Variants in MEI1 observed in about 807,000 individuals in gnomAD.
MEI1 encodes the protein meiosis inhibitor protein 1.
MEI1 carries 103 observed loss-of-function variants against 146.2 expected under a neutral mutation model. The observed-to-expected ratio is 0.70, with a 90% CI of 0.60 to 0.83. The LOEUF (loss-of-function observed/expected upper bound fraction) is 0.83, where lower values mean the gene tolerates loss of function less well. Ranked by LOEUF, MEI1 falls within the 40% of genes least tolerant of loss-of-function variation. The probability of loss-of-function intolerance (pLI) is 0.00; values close to 1 mark genes in which losing one functional copy is unlikely to be tolerated. For missense variants in MEI1, 1,529 were observed against 1,533.0 expected, an observed-to-expected ratio of 1.00 and a Z score of 0.04; for synonymous variants, 652 against 628.2, an observed-to-expected ratio of 1.04 and a Z score of -0.57.
chr22:41,784,120 G>T (rs1400345324), intron 24 of MEI1, among the ~76,000 whole-genome samples: 2 of 152,202 alleles, frequency 1.3e-5, no homozygotes, highest in Non-Finnish European at 2.9e-5. Context: ...GGATGGGGGA[G>T]ATTTGGAAGA....
Position 41,716,165 on chromosome 22 carries a change from G to A in MEI1, c.529+19G>A. The A allele has an allele frequency of 6.5e-7, 1 of 1,534,920 alleles. No individual in the cohort carries two copies. Among genetic ancestry groups the A allele is most frequent in the Non-Finnish European group, 8.9e-7 (1 of 1,118,446 alleles). ...GAGCATGGTGAGTGACCTGTGGGAG[G>A]AGCTGCCACTACCCTTTTACCTGCT... On this transcript the variant is annotated intron_variant, in intron 5 of 30. Coordinates refer to ENST00000401548, the MANE Select transcript of MEI1 (RefSeq NM_152513.4).
chr22:41,742,208 C>T (rs1170130174), intron 11 of MEI1, among the ~76,000 whole-genome samples: 6 of 152,176 alleles, frequency 3.9e-5, no homozygotes, highest in Admixed American at 1.3e-4. Flanking sequence ...TGCAGGGAGC[C>T]AAGATCACAC....
chr22:41,754,078 C>T (rs376982045), intron 17 of MEI1, 32 bp downstream of exon 17: 20 of 1,495,426 alleles, frequency 1.3e-5, no homozygotes, highest in Non-Finnish European at 1.8e-5. Flanking sequence ...ACTCATGTGG[C>T]CTGTGCTGGT....
At chr22:41,793,675 C>T (rs2076270687) in intron 26 of MEI1, among the ~76,000 whole-genome samples, 154 bp from the exon 27 acceptor site, 1 of 152,174 alleles carries the variant, frequency 6.6e-6, no homozygotes, top group South Asian at 2.1e-4. Flanking sequence ...AGAGATGAAG[C>T]CAATAAACAT....
intron 19 of MEI1, among the ~76,000 whole-genome samples, chr22:41,768,148 G>A (rs781450698): frequency 4.6e-5 from 7 of 152,148 alleles, no homozygotes; most frequent in Non-Finnish European, 8.8e-5. Flanking sequence ...TTGGGAGGCC[G>A]AGGCGGGCGG....
intron 28 of MEI1, 118 bp downstream of exon 28, chr22:41,794,595 G>A (rs1413594099): frequency 3.8e-6 from 3 of 786,780 alleles, no homozygotes; most frequent in East Asian, 2.5e-5. Flanking sequence ...GGAAGGGCTC[G>A]GCAGGCCTTC....
intron 26 of MEI1, among the ~76,000 whole-genome samples, chr22:41,792,857 A>G (rs1468558586): frequency 6.6e-6 from 1 of 151,648 alleles, no homozygotes; most frequent in Non-Finnish European, 1.5e-5. Context: ...CTAATGACTA[A>G]TGATAAATAT....
intron 18 of MEI1, among the ~76,000 whole-genome samples, chr22:41,761,783 G>C (rs1251759080): frequency 1.3e-5 from 2 of 152,034 alleles, no homozygotes; most frequent in Admixed American, 6.6e-5. Flanking sequence ...TGTCACTTCC[G>C]TTCCTCCTCC....
chr22:41,781,259 G>A (rs779662315), intron 22 of MEI1, 25 bp from the exon 23 acceptor site: 11 of 1,571,760 alleles, frequency 7.0e-6, no homozygotes, highest in Non-Finnish European at 8.7e-6. Flanking sequence ...GCGACAGGCC[G>A]ACTGGGGACT....
intron 19 of MEI1, among the ~76,000 whole-genome samples, chr22:41,766,364 G>T (rs548358012): frequency 6.7e-6 from 1 of 149,858 alleles, no homozygotes; most frequent in East Asian, 2.0e-4. Context: ...TAGAGACAGG[G>T]TTTCACCATG....
At chr22:41,726,211 C>A (rs1245377368) in intron 7 of MEI1, among the ~76,000 whole-genome samples, 1 of 151,816 alleles carries the variant, frequency 6.6e-6, no homozygotes, top group Non-Finnish European at 1.5e-5. Flanking sequence ...AAAGTTTGTC[C>A]TGAGACTACA....
intron 2 of MEI1, among the ~76,000 whole-genome samples, chr22:41,704,725 C>CT (rs2068955548): frequency 1.3e-5 from 2 of 151,582 alleles, no homozygotes; most frequent in South Asian, 4.2e-4. Context: ...CAATTCTTAT[C>CT]TTTTTTTGAG....
chr22:41,776,398 G>T (rs911094220), intron 21 of MEI1, 131 bp downstream of exon 21: 2 of 991,796 alleles, frequency 2.0e-6, no homozygotes, highest in Non-Finnish European at 2.9e-6. Flanking sequence ...AGGCCATTGT[G>T]GCATCAAGCT....
intron 19 of MEI1, among the ~76,000 whole-genome samples, chr22:41,763,999 T>C (rs1602015163): frequency 7.4e-6 from 1 of 134,912 alleles, no homozygotes; most frequent in African/African-American, 2.8e-5. Context: ...CAGGCTGGAG[T>C]GCAGTGGCAG....
At chr22:41,705,432 A>G (rs1601626226) in intron 2 of MEI1, 72 bp from the exon 3 acceptor site, 2 of 1,346,604 alleles carry the variant, frequency 1.5e-6, no homozygotes, top group East Asian at 2.3e-5. Context: ...CGGCCTCCCA[A>G]ATTGCTGGGG....
rs1357317883 is a variant in MEI1, at chr22:41,723,960, T to A, written c.751T>A (p.Leu251Met). The A allele has an allele frequency of 6.2e-7, 1 of 1,605,630 alleles. No individual in the cohort carries two copies. The highest frequency in any genetic ancestry group is 1.7e-5 in the Admixed American group (1 of 58,318). The change falls in exon 7 of 31, where the codon TTG becomes ATG. Residue 251 changes from leucine (L) to methionine (M), a missense_variant. Around this residue, in one of 3 missense-constraint regions of MEI1, gnomAD observed 1,212 missense variants for 1,178.9 expected, o/e 1.03. Coordinates refer to ENST00000401548, the MANE Select transcript of MEI1 (RefSeq NM_152513.4). ...TTTCCTAGGTTTGCTGAGGCAGCTG[T>A]TGAAGTATGATCTCTTTGTGTCCAT... ...INCLGLLRQL[L>M]KYDLFVSMIM...
At chr22:41,728,926 G>C (rs142883094) in intron 7 of MEI1, among the ~76,000 whole-genome samples, 1 of 152,162 alleles carries the variant, frequency 6.6e-6, no homozygotes, top group African/African-American at 2.4e-5. Context: ...AGCACTTTGG[G>C]AGGCCAAGGC....
rs143014050 is a variant in MEI1 at position 41,745,113 on chromosome 22, G to A, written c.1538+49G>A. ...AGTAATAGCATGGAAGGTAGGGGTGGAAGGGATTCAGACAATGGGTGAAGT... is the reference window on the plus strand; with the variant it reads ...AGTAATAGCATGGAAGGTAGGGGTGAAAGGGATTCAGACAATGGGTGAAGT... On this transcript the variant is annotated intron_variant, in intron 13 of 30. Transcript: ENST00000401548. 170 of 1,327,908 alleles carry A rather than the reference G, an allele frequency of 1.3e-4. No homozygotes were observed. In the Admixed American group the frequency reaches 3.8e-3, roughly 30 times the overall value. The allele number at this position is 1,327,908 out of a possible 1,614,324, so 82.3% of individuals were successfully genotyped here.
intron 17 of MEI1, among the ~76,000 whole-genome samples, chr22:41,755,935 A>G (rs1032062555): frequency 2.6e-5 from 4 of 151,966 alleles, no homozygotes; most frequent in Non-Finnish European, 4.4e-5. Context: ...TTGACCTTCA[A>G]CTGAGGTCCT....
Sources: allele counts gnomAD v4.1 joint callset (sites outside exome capture counted in the v4.1 genomes callset), GRCh38; gene constraint gnomAD v4.1.1; regional missense constraint gnomAD v4.1.1; transcripts MANE v1.5; gene names NCBI Gene and HGNC (gene_info 2026-07-23, HGNC 2026-07-21).